CCDC171: variants seen among roughly 807,000 people sequenced by gnomAD.
CCDC171 encodes the protein coiled-coil domain-containing protein 171.
In CCDC171, 177 loss-of-function variants were observed where a neutral mutation model predicts 168.2. The ratio of observed to expected loss-of-function variants is 1.05; its 90% CI spans 0.93 to 1.19. The LOEUF (loss-of-function observed/expected upper bound fraction) is 1.19, where lower values mean the gene tolerates loss of function less well. Among genes scored for constraint, CCDC171 ranks in the 50% most tolerant of loss-of-function variants. The pLI is 0.00. For missense variants in CCDC171, 1,991 were observed against 1,539.0 expected, an observed-to-expected ratio of 1.29 and a Z score of -4.91; for synonymous variants, 687 against 540.8, an observed-to-expected ratio of 1.27 and a Z score of -3.75.
chr9:15,603,146 T>C (rs2042984992), intron 6 of CCDC171, among the ~76,000 whole-genome samples: 1 of 151,900 alleles, frequency 6.6e-6, no homozygotes, highest in Non-Finnish European at 1.5e-5. Flanking sequence ...CACGCCCAGC[T>C]AAGTTTTTTT....
intron 8 of CCDC171, among the ~76,000 whole-genome samples, chr9:15,662,885 G>T (rs571024815): frequency 3.2e-4 from 49 of 152,244 alleles, no homozygotes; most frequent in African/African-American, 1.1e-3. Context: ...GGAGGCTGAG[G>T]CAGGGGAATC....
chr9:15,906,537 C>G (rs1157358734), intron 24 of CCDC171, among the ~76,000 whole-genome samples: 1 of 152,130 alleles, frequency 6.6e-6, no homozygotes, highest in Non-Finnish European at 1.5e-5. Context: ...ATAATAAGAG[C>G]TATCTATGAC....
chr9:15,968,206 T>C (rs1830992965), intron 25 of CCDC171, among the ~76,000 whole-genome samples: 2 of 152,220 alleles, frequency 1.3e-5, no homozygotes, highest in Non-Finnish European at 1.5e-5. Context: ...GCCTAGCTTT[T>C]ATTTAAGGTA....
chr9:15,849,460 G>T (rs1305427648), intron 23 of CCDC171, among the ~76,000 whole-genome samples: 1 of 151,174 alleles, frequency 6.6e-6, no homozygotes. Context: ...ATATTCTATT[G>T]TTTTCAAATT....
At chr9:15,825,321 T>C (rs994792575) in intron 21 of CCDC171, among the ~76,000 whole-genome samples, 11 of 152,126 alleles carry the variant, frequency 7.2e-5, no homozygotes, top group African/African-American at 2.7e-4. Flanking sequence ...AATGTTTCTT[T>C]GATAATGTAG....
chr9:15,636,751 A>G (rs2046230720), intron 7 of CCDC171, among the ~76,000 whole-genome samples: 1 of 12,388 alleles, frequency 8.1e-5, no homozygotes, highest in Admixed American at 1.3e-3. Context: ...CCCTGCCTCA[A>G]AAAAAAAAAA....
chr9:15,998,100 T>G (rs1026285789), intron 3 of CCDC171, among the ~76,000 whole-genome samples: 6 of 152,184 alleles, frequency 3.9e-5, no homozygotes, highest in African/African-American at 1.4e-4. Context: ...CCCTGAGTTG[T>G]GGGAATGGGA....
At chr9:15,798,410 T>G (rs1025503423) in intron 21 of CCDC171, among the ~76,000 whole-genome samples, 3 of 152,132 alleles carry the variant, frequency 2.0e-5, no homozygotes, top group African/African-American at 7.2e-5. Flanking sequence ...TTTCTGTTAT[T>G]TTTATTATTT....
At chr9:15,556,535 A>C (rs10756673) in intron 1 of CCDC171, among the ~76,000 whole-genome samples, 80,760 of 151,932 alleles carry the variant, frequency 0.53, 21,968 homozygotes, top group East Asian at 0.84. Context: ...GCATAAATAT[A>C]TTCTTTTGAG....
intron 21 of CCDC171, among the ~76,000 whole-genome samples, chr9:15,805,163 G>T (rs186149742): frequency 1.3e-4 from 19 of 151,828 alleles, no homozygotes; most frequent in African/African-American, 1.7e-4. Context: ...CTACCTAGTA[G>T]TCTGTTTTAT....
At chr9:15,895,540 C>T (rs1820791336) in intron 24 of CCDC171, among the ~76,000 whole-genome samples, 2 of 152,074 alleles carry the variant, frequency 1.3e-5, no homozygotes, top group Admixed American at 1.3e-4. Flanking sequence ...CATACTCTGT[C>T]TTATCTATAT....
At chr9:15,591,993 A>G (rs1036081954) in intron 5 of CCDC171, among the ~76,000 whole-genome samples, 4 of 152,132 alleles carry the variant, frequency 2.6e-5, no homozygotes, top group Non-Finnish European at 5.9e-5. Context: ...GATATGTAAC[A>G]TATTTAACTT....
At chr9:15,651,159 G>C (rs1306551505) in intron 7 of CCDC171, among the ~76,000 whole-genome samples, 5 of 151,450 alleles carry the variant, frequency 3.3e-5, no homozygotes, top group Non-Finnish European at 7.4e-5. Context: ...ACCCAGGCTG[G>C]AGTGCAGTGT....
intron 18 of CCDC171, among the ~76,000 whole-genome samples, chr9:15,746,972 C>A (rs1445021678): frequency 6.6e-6 from 1 of 152,212 alleles, no homozygotes; most frequent in African/African-American, 2.4e-5. Context: ...TCGGCGGGTC[C>A]CATGCCCACA....
chr9:15,902,979 G>C (rs1241719291), intron 24 of CCDC171, among the ~76,000 whole-genome samples: 2 of 152,238 alleles, frequency 1.3e-5, no homozygotes, highest in Non-Finnish European at 2.9e-5. Flanking sequence ...GCAGCGAGCT[G>C]GGGGAGGGGC....
intron 21 of CCDC171, among the ~76,000 whole-genome samples, chr9:15,841,671 A>C (rs971028278): frequency 2.6e-5 from 4 of 152,032 alleles, no homozygotes; most frequent in Admixed American, 2.6e-4. Flanking sequence ...AAATTTATTC[A>C]GATATAAACT....
Position 15,874,564 on chromosome 9 carries a change from G to A in CCDC171, c.3501G>A (p.Ala1167=), listed in dbSNP as rs375368358. 3.0e-5 allele frequency: 49 copies of A among 1,606,674 alleles called. No individual in the cohort carries two copies. The highest frequency in any genetic ancestry group is 1.7e-4 in the Middle Eastern group (1 of 6,022). Residue 1167 remains alanine (A), a synonymous_variant, in exon 24 of 26, where the codon GCG becomes GCA. Transcript: ENST00000380701. ...VRDQISLSWS[A]ASRNDFTLQL... ...ATCAGATCTCGCTGTCATGGTCTGC[G>A]GCAAGTAGGAATGACTTCACCCTAC...
chr9:15,751,606 C>T (rs2055748850), intron 18 of CCDC171, among the ~76,000 whole-genome samples: 2 of 152,174 alleles, frequency 1.3e-5, no homozygotes, highest in Admixed American at 1.3e-4. Flanking sequence ...AATAACACCA[C>T]ACATCTACAA....
intron 21 of CCDC171, among the ~76,000 whole-genome samples, chr9:15,838,120 A>C (rs1483914547): frequency 6.6e-6 from 1 of 152,184 alleles, no homozygotes; most frequent in Non-Finnish European, 1.5e-5. Context: ...TTTAATAATT[A>C]ATGGAAATAG....
Sources: gnomAD v4.1 joint callset for allele counts (sites outside exome capture counted in the v4.1 genomes callset) on GRCh38, gnomAD v4.1.1 for gene constraint, MANE v1.5 for transcripts, NCBI Gene and HGNC (gene_info 2026-07-23, HGNC 2026-07-21) for gene names.